The following MNS1 variants were observed in gnomAD, a reference collection of about 807,000 sequenced individuals.
The protein encoded by MNS1 is meiosis specific nuclear structural 1.
Under a neutral mutation model 72.0 loss-of-function variants are expected in MNS1, and 63 were observed. The observed-to-expected ratio is 0.87, with a 90% confidence interval of 0.71 to 1.08. The LOEUF is 1.08. Among genes scored for constraint, MNS1 ranks in the 50% least tolerant of loss-of-function variants. MNS1 has a pLI of 0.00. For synonymous variants in MNS1, 188 were observed against 172.1 expected (o/e 1.09, Z -0.72); for missense variants, 604 against 562.4 (o/e 1.07, Z -0.75).
chr15:56,439,815 G>A lies in MNS1; in HGVS notation c.1011+3615C>T, dbSNP rs572954244. On this transcript the variant is annotated intron_variant, in intron 7 of 9. Transcript: ENST00000260453. ...ACACAAACCTTTAGGAAAAAAAAAAGGAGAAATTCTTCAATAACTAGGCGA... is the reference window on the plus strand; with the variant it reads ...ACACAAACCTTTAGGAAAAAAAAAAAGAGAAATTCTTCAATAACTAGGCGA... 4.8e-5 allele frequency among the ~76,000 whole-genome samples: 7 copies of A among 145,232 alleles called. 1 individual carries two copies. In the South Asian group the frequency reaches 1.5e-3, roughly 31 times the overall value.
chr15:56,429,264 A>G, intron 9 of MNS1, 71 bp from the exon 10 acceptor site: 1 of 973,528 alleles, frequency 1.0e-6, no homozygotes, highest in Non-Finnish European at 1.6e-6. Context: ...TAAGACTGAC[A>G]GACATAAGAT....
intron 3 of MNS1, chr15:56,447,690 T>G (rs1311366223): frequency 1.3e-5 from 2 of 152,184 alleles, no homozygotes; most frequent in Admixed American, 6.5e-5. Context: ...CTGAACATGT[T>G]TAAAGGATAC....
At chr15:56,460,957 T>C (rs1256894027) in intron 2 of MNS1, among the ~76,000 whole-genome samples, 1 of 152,144 alleles carries the variant, frequency 6.6e-6, no homozygotes, top group Non-Finnish European at 1.5e-5. Context: ...TGTTCTAGTT[T>C]GAGTCCTAAA....
At chr15:56,448,625 C>T (rs774708560) in intron 3 of MNS1, among the ~76,000 whole-genome samples, 15 of 152,170 alleles carry the variant, frequency 9.9e-5, no homozygotes, top group Non-Finnish European at 2.1e-4. Flanking sequence ...TTTCTTTACC[C>T]AATTTCCCAC....
In MNS1 at chr15:56,464,183, C is replaced by A. The variant is rs371925363; in HGVS notation, c.68G>T (p.Cys23Phe). The A allele has an allele frequency of 2.5e-6, 4 of 1,613,860 alleles. No individual in the cohort carries two copies. In the Admixed American group the frequency reaches 6.7e-5, roughly 27 times the overall value. The change falls in exon 2 of 10, where the codon TGC becomes TTC. Residue 23 changes from cysteine to phenylalanine, a missense_variant. Physicochemically the swap from Cys to Phe is radical, Grantham distance 205 (BLOSUM62 -2). Coordinates refer to ENST00000260453, the MANE Select transcript of MNS1 (RefSeq NM_018365.4). The stretch of plus-strand genomic sequence containing the variant: ...TAGAGCTTGGACATGTAATTTTTTG[C>A]AGTAGTTTTCATCTACTAATTTCTG... The part of the protein sequence containing the change: ...RHQKLVDENY[C>F]KKLHVQALKN...
intron 7 of MNS1, 137 bp downstream of exon 7, chr15:56,443,293 C>G (rs1487220693): frequency 1.1e-5 from 6 of 553,256 alleles, no homozygotes; most frequent in Non-Finnish European, 1.7e-5. Flanking sequence ...AAATTTCTGT[C>G]TTTTAACTGT....
chr15:56,464,995 C>G lies in MNS1; in HGVS notation c.-23G>C. ...CATCTTGGCTGACGAAAAATACCCC[C>G]TCTCGTGGGACCGCGGCCACCACCT... On this transcript the variant is annotated 5_prime_UTR_variant, in exon 1 of 10. Coordinates refer to ENST00000260453, the MANE Select transcript of MNS1 (RefSeq NM_018365.4). The G allele has an allele frequency of 6.2e-7, 1 of 1,608,858 alleles. No individual in the cohort carries two copies. Among genetic ancestry groups the G allele is most frequent in the Non-Finnish European group, 8.5e-7 (1 of 1,178,116 alleles).
chr15:56,434,460 G>GTGAT (rs2050684440), intron 7 of MNS1, 65 bp from the exon 8 acceptor site: 2 of 1,478,704 alleles, frequency 1.4e-6, no homozygotes, highest in Non-Finnish European at 1.8e-6. Flanking sequence ...TAAGGAAAGA[G>GTGAT]TGATAGAGTT....
chr15:56,458,338 TAC>T (rs2050994222), intron 2 of MNS1, among the ~76,000 whole-genome samples: 1 of 152,172 alleles, frequency 6.6e-6, no homozygotes, highest in Non-Finnish European at 1.5e-5. Flanking sequence ...GAGCAGAAAG[TAC>T]ACAGAGTTCC....
Position 56,465,007 on chromosome 15 carries a change from C to G in MNS1, c.-35G>C. On this transcript the variant is annotated 5_prime_UTR_variant, in exon 1 of 10. Coordinates refer to ENST00000260453, the MANE Select transcript of MNS1 (RefSeq NM_018365.4). ...CGAAAAATACCCCCTCTCGTGGGACCGCGGCCACCACCTCCCGCCGCAAAC... is the reference window on the plus strand; with the variant it reads ...CGAAAAATACCCCCTCTCGTGGGACGGCGGCCACCACCTCCCGCCGCAAAC... 1 of 1,603,708 alleles carries G rather than the reference C, an allele frequency of 6.2e-7. No homozygotes were observed. Among genetic ancestry groups the G allele is most frequent in the South Asian group, 1.1e-5 (1 of 89,618 alleles).
At chr15:56,449,357 A>G (rs536684491) in intron 3 of MNS1, among the ~76,000 whole-genome samples, 1 of 150,742 alleles carries the variant, frequency 6.6e-6, no homozygotes, top group Non-Finnish European at 1.5e-5. Flanking sequence ...ATTCATATCA[A>G]TGGGCTTTTT....
chr15:56,429,072 A>AATCT lies in MNS1; in HGVS notation c.*25_*28dup, dbSNP rs763533878. 4.1e-6 allele frequency: 6 copies of AATCT among 1,459,664 alleles called. No homozygotes were observed. The South Asian group carries it at 7.5e-5, about 18-fold the overall frequency. 90.4% of individuals were successfully genotyped at this position (1,459,664 alleles called of 1,614,324 possible). ...TGACATCTAGTGGTAACATGCAAAA[A>AATCT]ATCTATGCTTTACCCAATTTTGATG... On this transcript the variant is annotated 3_prime_UTR_variant, in exon 10 of 10. Coordinates refer to ENST00000260453, the MANE Select transcript of MNS1 (RefSeq NM_018365.4).
At chr15:56,461,208 T>C (rs554665679) in intron 2 of MNS1, among the ~76,000 whole-genome samples, 61 of 151,982 alleles carry the variant, frequency 4.0e-4, no homozygotes, top group Admixed American at 2.0e-3. Flanking sequence ...GCTAATCTCA[T>C]CCAAAACAAC....
At chr15:56,457,557 T>G (rs1477529819) in intron 2 of MNS1, among the ~76,000 whole-genome samples, 6 of 152,146 alleles carry the variant, frequency 3.9e-5, no homozygotes, top group African/African-American at 1.4e-4. Flanking sequence ...GCGCTGTGGC[T>G]TACACGTGTA....
intron 3 of MNS1, chr15:56,447,318 A>G: frequency 6.3e-6 from 1 of 158,820 alleles, no homozygotes; most frequent in Non-Finnish European, 1.4e-5. Flanking sequence ...TACATTTTAG[A>G]ATCAGCTTGT....
chr15:56,429,414 C>G (rs2050495006), intron 9 of MNS1: 1 of 406,636 alleles, frequency 2.5e-6, no homozygotes, highest in Non-Finnish European at 4.3e-6. Context: ...TTTATCAGCT[C>G]TAGTGTAGGA....
chr15:56,440,794 A>C (rs545828378), intron 7 of MNS1, among the ~76,000 whole-genome samples: 5 of 152,306 alleles, frequency 3.3e-5, no homozygotes, highest in African/African-American at 1.2e-4. Context: ...AGGTTTATCC[A>C]TGTTTTAGCA....
At chr15:56,443,611 G>A (rs772180805) in intron 6 of MNS1, 27 bp downstream of exon 6, 66 of 1,599,744 alleles carry the variant, frequency 4.1e-5, no homozygotes, top group Non-Finnish European at 5.4e-5. Flanking sequence ...AATTTTACTA[G>A]TGTTAAAGAA....
At position 56,460,009 on chromosome 15, in the gene MNS1, A is replaced by AAAAAAAAAAAAAT; in HGVS notation, c.226-3489_226-3488insATTTTTTTTTTTT. 2.5e-3 allele frequency among the ~76,000 whole-genome samples: 67 copies of AAAAAAAAAAAAAT among 26,374 alleles called. 10 individuals carry two copies. Among genetic ancestry groups the AAAAAAAAAAAAAT allele is most frequent in the African/African-American group, 5.1e-3 (34 of 6,646 alleles). 17.3% of individuals were successfully genotyped at this position (26,374 alleles called of 152,430 possible). ...CTGTCTCAAAAAAAAAAAAAAAAAA[A>AAAAAAAAAAAAAT]ATACATATATATATATATATATATA... On this transcript the variant is annotated intron_variant, in intron 2 of 9. Transcript: ENST00000260453.
Sources: allele counts gnomAD v4.1 joint callset (sites outside exome capture counted in the v4.1 genomes callset), GRCh38; gene constraint gnomAD v4.1.1; transcripts MANE v1.5; gene names NCBI Gene and HGNC (gene_info 2026-07-23, HGNC 2026-07-21).